Variants in RYR3 observed in about 807,000 individuals in gnomAD.
RYR3 encodes ryanodine receptor 3, also known as brain ryanodine receptor-calcium release channel.
RYR3 carries 207 observed loss-of-function variants against 584.3 expected under a neutral mutation model. That is an observed-to-expected ratio of 0.35 (90% CI 0.32 to 0.40). RYR3 has a LOEUF of 0.40. Among genes scored for constraint, RYR3 ranks in the 10% least tolerant of loss-of-function variants. The pLI, the probability that RYR3 is intolerant of heterozygous loss-of-function variation, is 1.00. For missense variants in RYR3, 5,616 were observed against 6,089.2 expected, an observed-to-expected ratio of 0.92 and a Z score of 2.59; for synonymous variants, 2,416 against 2,248.5, an observed-to-expected ratio of 1.07 and a Z score of -2.11.
rs1315133487 is a variant in RYR3, at chr15:33,853,642, G to C, written c.13759G>C (p.Val4587Leu). 6.2e-7 allele frequency: 1 copy of C among 1,613,976 alleles called. No homozygotes were observed. The highest frequency in any genetic ancestry group is 1.7e-5 in the Admixed American group (1 of 60,022). Residue 4587 changes from valine to leucine, a missense_variant, in exon 96 of 104, where the codon GTA becomes CTA. Coordinates refer to ENST00000634891, the MANE Select transcript of RYR3 (RefSeq NM_001036.6). ...CAAAAATGCTCTTGACTTTAGCCCAGTAGAAGAGACCAAAGCAGAAGCGGC... is the reference window on the plus strand; with the variant it reads ...CAAAAATGCTCTTGACTTTAGCCCACTAGAAGAGACCAAAGCAGAAGCGGC... ...LDKNALDFSP[V>L]EETKAEAASL... is the part of the protein sequence containing the mutation.
At chr15:33,570,718 A>G (rs2057978272) in intron 12 of RYR3, among the ~76,000 whole-genome samples, 1 of 152,122 alleles carries the variant, frequency 6.6e-6, no homozygotes, top group African/African-American at 2.4e-5. Flanking sequence ...CAAACATAAA[A>G]TGTCTATTTA....
At chr15:33,665,016 AT>A (rs2063414972) in intron 36 of RYR3, among the ~76,000 whole-genome samples, 1 of 152,190 alleles carries the variant, frequency 6.6e-6, no homozygotes, top group Admixed American at 6.5e-5. Flanking sequence ...GGAACAGATC[AT>A]TTGCACCACA....
Position 33,631,213 on chromosome 15 carries a change from C to G in RYR3, c.2787C>G (p.Thr929=), listed in dbSNP as rs760334224. 6.3e-7 allele frequency: 1 copy of G among 1,578,262 alleles called. No individual in the cohort carries two copies. The highest frequency in any genetic ancestry group is 1.3e-5 in the African/African-American group (1 of 74,310). ...NLQMSTETLK[T]LLALGCHIAH... is the part of the protein sequence containing the mutation. The stretch of plus-strand genomic sequence containing the variant: ...TTCTCCTTCTGTTGTGTCACAGAAC[C>G]CTCTTGGCCCTGGGGTGCCACATTG... Residue 929 remains threonine (T), a synonymous_variant, in exon 23 of 104, where the codon ACC becomes ACG. Coordinates refer to ENST00000634891, the MANE Select transcript of RYR3 (RefSeq NM_001036.6).
chr15:33,568,149 C>G (rs2057819212), intron 12 of RYR3, among the ~76,000 whole-genome samples: 1 of 152,092 alleles, frequency 6.6e-6, no homozygotes, highest in Non-Finnish European at 1.5e-5. Context: ...TTACCTAGGG[C>G]TGGGGTGTCT....
intron 45 of RYR3, among the ~76,000 whole-genome samples, chr15:33,724,739 T>C (rs569269412): frequency 8.5e-5 from 13 of 152,338 alleles, no homozygotes; most frequent in Non-Finnish European, 1.3e-4. Context: ...ATAAGCCTTA[T>C]TTCATATAAG....
At chr15:33,615,186 G>A (rs2152570548) in intron 19 of RYR3, among the ~76,000 whole-genome samples, 1 of 152,242 alleles carries the variant, frequency 6.6e-6, no homozygotes, top group South Asian at 2.1e-4. Context: ...GTCCATGGAA[G>A]CCCCTGGAAA....
intron 1 of RYR3, among the ~76,000 whole-genome samples, chr15:33,419,317 C>T (rs896843102): frequency 3.3e-5 from 5 of 152,130 alleles, no homozygotes; most frequent in African/African-American, 1.2e-4. Context: ...TCAACCAAAT[C>T]ATTTTAGAGG....
At position 33,792,401 on chromosome 15, in the gene RYR3, C is replaced by G. The variant is rs1057009539; in HGVS notation, c.9830+3943C>G. ...GGGGCACCCAGAATCCTCATTCTTT[C>G]TCTATCCCTTGCCTTCAGCCCTTCA... On this transcript the variant is annotated intron_variant, in intron 67 of 103. Coordinates refer to ENST00000634891, the MANE Select transcript of RYR3 (RefSeq NM_001036.6). Among the ~76,000 whole-genome samples the G allele has an allele frequency of 3.3e-5, 5 of 152,136 alleles. No homozygotes were observed. The South Asian group carries it at 1.0e-3, about 32-fold the overall frequency.
At chr15:33,464,034 G>A (rs568023351) in intron 1 of RYR3, among the ~76,000 whole-genome samples, 1 of 152,178 alleles carries the variant, frequency 6.6e-6, no homozygotes, top group Non-Finnish European at 1.5e-5. Context: ...GACTCCGTAA[G>A]TGCCTACCAT....
intron 10 of RYR3, among the ~76,000 whole-genome samples, chr15:33,560,378 A>T (rs1035869054): frequency 1.9e-4 from 29 of 152,208 alleles, no homozygotes; most frequent in African/African-American, 6.8e-4. Flanking sequence ...AAAAACAAAG[A>T]CACAGAAACA....
chr15:33,466,463 C>G (rs1260470312), intron 1 of RYR3, among the ~76,000 whole-genome samples: 1 of 152,180 alleles, frequency 6.6e-6, no homozygotes, highest in Non-Finnish European at 1.5e-5. Context: ...GTAGCTTTCA[C>G]TAACTTTTGA....
intron 1 of RYR3, among the ~76,000 whole-genome samples, chr15:33,452,411 A>C (rs2047202448): frequency 6.6e-6 from 1 of 152,236 alleles, no homozygotes. Context: ...AAAAAAAATC[A>C]GTCCCATTTC....
In RYR3 at chr15:33,647,470, T is replaced by C. The variant is rs377015860; in HGVS notation, c.3978+10T>C. On this transcript the variant is annotated intron_variant, in intron 30 of 103. Coordinates refer to ENST00000634891, the MANE Select transcript of RYR3 (RefSeq NM_001036.6). ...CTCTCATACAACAACAGTAAGTAAA[T>C]GTGCTCAATTATGGTTTTAATTATT... 45 of 1,586,920 alleles carry C rather than the reference T, an allele frequency of 2.8e-5. No homozygotes were observed. The highest frequency in any genetic ancestry group is 3.5e-5 in the Non-Finnish European group (41 of 1,155,688).
At chr15:33,399,293 T>C (rs2141353572) in intron 1 of RYR3, among the ~76,000 whole-genome samples, 1 of 152,306 alleles carries the variant, frequency 6.6e-6, no homozygotes, top group Middle Eastern at 3.4e-3. Flanking sequence ...CATTGTTACA[T>C]TTCAATAGAC....
chr15:33,438,806 AG>A (rs1217613390), intron 1 of RYR3, among the ~76,000 whole-genome samples: 1 of 151,650 alleles, frequency 6.6e-6, no homozygotes, highest in Non-Finnish European at 1.5e-5. Context: ...AATAACTAAA[AG>A]AATGGACTCT....
At chr15:33,577,124 G>A (rs779916722) in intron 12 of RYR3, among the ~76,000 whole-genome samples, 83 of 151,988 alleles carry the variant, frequency 5.5e-4, no homozygotes, top group Non-Finnish European at 8.7e-4. Flanking sequence ...AGAGATGACC[G>A]AAACAAATGG....
chr15:33,798,005 G>A (rs559191964), intron 67 of RYR3, among the ~76,000 whole-genome samples: 8 of 152,314 alleles, frequency 5.3e-5, no homozygotes, highest in East Asian at 3.9e-4. Context: ...AGTCTCACAC[G>A]GAAAAGAAGT....
intron 60 of RYR3, among the ~76,000 whole-genome samples, chr15:33,765,838 G>A (rs2073010579): frequency 6.6e-6 from 1 of 152,098 alleles, no homozygotes; most frequent in African/African-American, 2.4e-5. Flanking sequence ...TTGCCCATTT[G>A]TGTAAAAATC....
intron 47 of RYR3, 55 bp downstream of exon 47, chr15:33,729,081 T>C: frequency 1.4e-6 from 2 of 1,475,506 alleles, no homozygotes; most frequent in Non-Finnish European, 1.9e-6. Context: ...AAATTAGTAA[T>C]GTTGGACTTC....
Sources: allele counts gnomAD v4.1 joint callset (sites outside exome capture counted in the v4.1 genomes callset), GRCh38; gene constraint gnomAD v4.1.1; transcripts MANE v1.5; gene names NCBI Gene and HGNC (gene_info 2026-07-23, HGNC 2026-07-21).